Variants in CCDC171 observed in about 807,000 individuals in gnomAD.
CCDC171 encodes coiled-coil domain-containing protein 171.
In CCDC171, 177 loss-of-function variants were observed where a neutral mutation model predicts 168.2. That is an observed-to-expected ratio of 1.05 (90% confidence interval 0.93 to 1.19). The LOEUF is 1.19. CCDC171 is among the 50% of genes most tolerant of loss of function. The probability of loss-of-function intolerance (pLI) is 0.00; values close to 1 mark genes in which losing one functional copy is unlikely to be tolerated. For missense variants in CCDC171, 1,991 were observed against 1,539.0 expected (o/e 1.29, Z -4.91); for synonymous variants, 687 against 540.8 (o/e 1.27, Z -3.75).
At chr9:15,794,187 G>A (rs988391571) in intron 21 of CCDC171, among the ~76,000 whole-genome samples, 2 of 152,028 alleles carry the variant, frequency 1.3e-5, no homozygotes, top group African/African-American at 2.4e-5. Context: ...ATCATGGACC[G>A]GGCATAGTGG....
At chr9:16,047,909 G>C (rs971801781) in intron 1 of CCDC171, among the ~76,000 whole-genome samples, 3 of 152,198 alleles carry the variant, frequency 2.0e-5, no homozygotes, top group South Asian at 4.1e-4. Context: ...TCATGGAAGA[G>C]CTCTGCCTCT....
the CCDC171 span, among the ~76,000 whole-genome samples, chr9:16,086,177 T>A: frequency 6.6e-6 from 1 of 152,326 alleles, no homozygotes; most frequent in East Asian, 1.9e-4. Context: ...TGGTTTAGTC[T>A]TGGGAAGGGT....
chr9:16,084,841 C>T, the CCDC171 span, among the ~76,000 whole-genome samples: 25 of 152,120 alleles, frequency 1.6e-4, no homozygotes, highest in Non-Finnish European at 2.8e-4. Flanking sequence ...GGTAAGGCAG[C>T]GTGGTAGAGT....
chr9:15,589,007 G>C (rs2041796227), intron 4 of CCDC171, among the ~76,000 whole-genome samples: 1 of 151,764 alleles, frequency 6.6e-6, no homozygotes, highest in African/African-American at 2.4e-5. Flanking sequence ...ACCGCACCCA[G>C]CCGTGTTTTT....
intron 10 of CCDC171, among the ~76,000 whole-genome samples, chr9:15,682,418 T>C (rs770789677): frequency 1.3e-5 from 2 of 151,948 alleles, no homozygotes; most frequent in African/African-American, 2.4e-5. Flanking sequence ...CTTTTGGGGG[T>C]ATTTAATAAA....
chr9:15,840,705 C>G (rs1314149410), intron 21 of CCDC171, among the ~76,000 whole-genome samples: 1 of 152,078 alleles, frequency 6.6e-6, no homozygotes. Flanking sequence ...CTAGCTACCA[C>G]TTTTCTATTT....
At chr9:15,671,963 C>T (rs140285861) in intron 9 of CCDC171, among the ~76,000 whole-genome samples, 18 of 152,264 alleles carry the variant, frequency 1.2e-4, no homozygotes, top group Admixed American at 2.6e-4. Context: ...ATTTACACTC[C>T]CAACAGTGTC....
At chr9:16,078,726 C>G in the CCDC171 span, among the ~76,000 whole-genome samples, 1 of 152,166 alleles carries the variant, frequency 6.6e-6, no homozygotes. Context: ...AAAGCTTCAC[C>G]TCTCCGTTCC....
In CCDC171 at chr9:15,723,588, TAAAGA is replaced by T. The variant is rs1483762313; in HGVS notation, c.1426-92_1426-88del. The T allele has an allele frequency of 9.0e-5, 74 of 824,954 alleles. No individual in the cohort carries two copies. The African/African-American group carries it at 1.2e-3, about 13-fold the overall frequency. The allele number at this position is 824,954 out of a possible 1,614,324, so 51.1% of individuals were successfully genotyped here. ...TTTAAGTAATTGCATAAAAAGCACT[TAAAGA>T]TTAACTTTTGAGTTACCCATCCTTG... On this transcript the variant is annotated intron_variant, in intron 12 of 25. Transcript: ENST00000380701.
intron 23 of CCDC171, 36 bp downstream of exon 23, chr9:15,848,983 G>A: frequency 2.7e-6 from 3 of 1,101,000 alleles, no homozygotes; most frequent in Non-Finnish European, 2.6e-6. Flanking sequence ...TTCAATTTGT[G>A]TCATGACACC....
At chr9:15,798,405 GTTATTT>G (rs1339369506) in intron 21 of CCDC171, among the ~76,000 whole-genome samples, 1 of 151,706 alleles carries the variant, frequency 6.6e-6, no homozygotes, top group African/African-American at 2.4e-5. Context: ...ATTTATTTCT[GTTATTT>G]TTATTATTTC....
At chr9:15,638,371 A>G (rs2046353891) in intron 7 of CCDC171, among the ~76,000 whole-genome samples, 1 of 152,144 alleles carries the variant, frequency 6.6e-6, no homozygotes, top group South Asian at 2.1e-4. Flanking sequence ...AGAGCATTTT[A>G]TGTTAGTTTT....
intron 7 of CCDC171, among the ~76,000 whole-genome samples, chr9:15,646,132 T>A (rs200234019): frequency 6.6e-5 from 10 of 152,274 alleles, no homozygotes; most frequent in South Asian, 2.1e-4. Flanking sequence ...CCAGAATTTC[T>A]TATCCAGCCA....
At chr9:15,851,651 C>T (rs1417600771) in intron 23 of CCDC171, among the ~76,000 whole-genome samples, 2 of 151,852 alleles carry the variant, frequency 1.3e-5, no homozygotes, top group Non-Finnish European at 2.9e-5. Flanking sequence ...CAGTGGTTTT[C>T]AGTATGTGCA....
At chr9:15,814,246 A>C (rs1462852438) in intron 21 of CCDC171, among the ~76,000 whole-genome samples, 1 of 152,226 alleles carries the variant, frequency 6.6e-6, no homozygotes, top group South Asian at 2.1e-4. Flanking sequence ...CATTGTCCCA[A>C]AGTGAGTTGA....
chr9:15,574,519 T>C (rs1235963555), intron 3 of CCDC171, among the ~76,000 whole-genome samples: 1 of 152,152 alleles, frequency 6.6e-6, no homozygotes, highest in East Asian at 1.9e-4. Flanking sequence ...CCTCAAGTGA[T>C]CCACCTGTCT....
At position 15,884,059 on chromosome 9, in the gene CCDC171, T is replaced by C. The variant is rs530505868; in HGVS notation, c.3600+9396T>C. On this transcript the variant is annotated intron_variant, in intron 24 of 25. Transcript: ENST00000380701. ...CAATTGTTTTCTTTTTGTGTGTATG[T>C]GGAATACAACATTGTCTTTTCTTGT... Among the ~76,000 whole-genome samples the C allele has an allele frequency of 3.9e-5, 6 of 152,294 alleles. No homozygotes were observed. The South Asian group carries it at 1.2e-3, about 32-fold the overall frequency.
downstream of CCDC171, among the ~76,000 whole-genome samples, chr9:16,065,809 GGT>G (rs113107786): frequency 0.021 from 3,011 of 143,944 alleles, 39 homozygotes; most frequent in Non-Finnish European, 0.03. Flanking sequence ...TTGTGTGCAT[GGT>G]GTGTGTGTGT....
chr9:15,853,133 C>G (rs7860463), intron 23 of CCDC171, among the ~76,000 whole-genome samples: 130,299 of 151,570 alleles, frequency 0.86, 56,087 homozygotes, highest in East Asian at 0.99. Context: ...AATTTTGAAA[C>G]CTGCTATGTT....
Sources: allele counts gnomAD v4.1 joint callset (sites outside exome capture counted in the v4.1 genomes callset), GRCh38; gene constraint gnomAD v4.1.1; transcripts MANE v1.5; gene names NCBI Gene and HGNC (gene_info 2026-07-23, HGNC 2026-07-21).